The following MAP3K7 variants were observed in gnomAD, a reference collection of about 807,000 sequenced individuals.
MAP3K7 encodes the protein mitogen-activated protein kinase kinase kinase 7, also known as TGF-beta activated kinase 1.
A neutral mutation model predicts 84.8 loss-of-function variants in MAP3K7; 21 were observed. The ratio of observed to expected loss-of-function variants is 0.25; its 90% CI spans 0.18 to 0.36. MAP3K7 has a LOEUF of 0.36. Among genes scored for constraint, MAP3K7 ranks in the 10% least tolerant of loss-of-function variants. The pLI is 1.00. For synonymous variants in MAP3K7, 241 were observed against 247.7 expected (o/e 0.97, Z 0.25); for missense variants, 503 against 747.7 (o/e 0.67, Z 3.82).
At chr6:90,529,394 G>T (rs1237793227) in intron 13 of MAP3K7, among the ~76,000 whole-genome samples, 1 of 152,128 alleles carries the variant, frequency 6.6e-6, no homozygotes, top group Non-Finnish European at 1.5e-5. Context: ...GAGACCTGGG[G>T]TTATGTCTCC....
chr6:90,578,758 C>T (rs950172420), intron 1 of MAP3K7, among the ~76,000 whole-genome samples: 2 of 152,078 alleles, frequency 1.3e-5, no homozygotes, highest in African/African-American at 4.8e-5. Context: ...TTAGAGGTGG[C>T]AGAAGGTGCT....
chr6:90,585,599 A>T (rs181023821), intron 1 of MAP3K7, among the ~76,000 whole-genome samples: 2 of 148,894 alleles, frequency 1.3e-5, no homozygotes, highest in African/African-American at 5.2e-5. Context: ...GTCTTTAAAA[A>T]ATATATATGC....
chr6:90,561,736 T>C, intron 3 of MAP3K7, 69 bp from the exon 4 acceptor site: 1 of 1,024,982 alleles, frequency 9.8e-7, no homozygotes, highest in Non-Finnish European at 1.5e-6. Flanking sequence ...GAGAGAGAAT[T>C]TAATTCACTC....
intron 12 of MAP3K7, among the ~76,000 whole-genome samples, chr6:90,540,929 T>C (rs1282989550): frequency 6.6e-6 from 1 of 151,976 alleles, no homozygotes; most frequent in Non-Finnish European, 1.5e-5. Flanking sequence ...CATTAGAATG[T>C]CTTACATAGT....
chr6:90,562,352 GGA>G lies in MAP3K7; in HGVS notation c.298-687_298-686del, dbSNP rs370473380. Reference sequence around the variant, plus strand: ...AGGGAAGCTGTGACAGATGGTACCTGGAAAATTGGAACACTCCCACCCTAACA... The same window carrying G: ...AGGGAAGCTGTGACAGATGGTACCTGAAATTGGAACACTCCCACCCTAACA... On this transcript the variant is annotated intron_variant, in intron 3 of 16. Transcript: ENST00000369329. Among the ~76,000 whole-genome samples the G allele has an allele frequency of 4.7e-3, 714 of 152,244 alleles. 7 individuals are homozygous for G. Among genetic ancestry groups the G allele is most frequent in the African/African-American group, 0.016 (674 of 41,538 alleles).
At chr6:90,566,139 T>C (rs1343954910) in intron 3 of MAP3K7, among the ~76,000 whole-genome samples, 5 of 152,212 alleles carry the variant, frequency 3.3e-5, no homozygotes, top group Admixed American at 3.3e-4. Context: ...AAGCATTCTC[T>C]TTGAAAACTG....
At position 90,548,147 on chromosome 6, in the gene MAP3K7, G is replaced by T; in HGVS notation, c.980C>A (p.Thr327Lys). ...CATATTAGTGTCACTTTTGTTACTCGTATTTGTAGAAGCAATGTCCATGAA... is the reference window on the plus strand; with the variant it reads ...CATATTAGTGTCACTTTTGTTACTCTTATTTGTAGAAGCAATGTCCATGAA... The part of the protein sequence containing the change: ...GSFMDIASTN[T>K]SNKSDTNMEQ... The change falls in exon 10 of 17, where the codon ACG becomes AAG. Residue 327 changes from threonine (T) to lysine (K), a missense_variant. This residue lies in a region of MAP3K7 where 286 missense variants were observed against 313.6 expected (regional missense o/e 0.91). Coordinates refer to ENST00000369329, the MANE Select transcript of MAP3K7 (RefSeq NM_145331.3). 1 of 1,611,388 alleles carries T rather than the reference G, an allele frequency of 6.2e-7. No homozygotes were observed. The highest frequency in any genetic ancestry group is 8.5e-7 in the Non-Finnish European group (1 of 1,178,612).
At chr6:90,577,608 G>A (rs1777131040) in intron 1 of MAP3K7, among the ~76,000 whole-genome samples, 1 of 152,164 alleles carries the variant, frequency 6.6e-6, no homozygotes, top group Non-Finnish European at 1.5e-5. Context: ...ATGGTAGCAG[G>A]CAAACTAGGA....
Position 90,536,385 on chromosome 6 carries a change from T to A in MAP3K7, c.1308A>T (p.Arg436Ser), listed in dbSNP as rs1775679293. The A allele has an allele frequency of 6.2e-7, 1 of 1,612,002 alleles. No individual in the cohort carries two copies. Among genetic ancestry groups the A allele is most frequent in the Admixed American group, 1.7e-5 (1 of 59,902 alleles). ...CAGTCAAGTCTTGGATGGATCTACG[T>A]CTTGGCTGTCCGTTGCCTTTAAAAA... ...EIVISGNGQP[R>S]RRSIQDLTVT... The change falls in exon 13 of 17, where the codon AGA (arginine) becomes AGT (serine). Residue 436 changes from arginine to serine, a missense_variant. By Grantham distance (110) the Arg-to-Ser change is moderately radical. Around this residue, in one of 5 missense-constraint regions of MAP3K7, gnomAD observed 286 missense variants for 313.6 expected, o/e 0.91. Coordinates refer to ENST00000369329, the MANE Select transcript of MAP3K7 (RefSeq NM_145331.3).
chr6:90,555,545 G>A (rs758270089), intron 6 of MAP3K7, among the ~76,000 whole-genome samples: 6 of 152,102 alleles, frequency 3.9e-5, no homozygotes, highest in East Asian at 1.9e-4. Context: ...CTGAGCCACC[G>A]CGCCCAGCTA....
chr6:90,566,744 C>T (rs1235983706), intron 3 of MAP3K7, among the ~76,000 whole-genome samples: 5 of 152,014 alleles, frequency 3.3e-5, no homozygotes, highest in Non-Finnish European at 7.4e-5. Context: ...AAAAAGAGCC[C>T]ACATTGCCAA....
In MAP3K7 at chr6:90,518,380, C is replaced by T. The variant is rs368598954; in HGVS notation, c.1640+67G>A. 1.6e-4 allele frequency: 135 copies of T among 824,628 alleles called. 5 individuals are homozygous for T. The highest frequency in any genetic ancestry group is 1.3e-3 in the East Asian group (46 of 36,684). 51.1% of individuals were successfully genotyped at this position (824,628 alleles called of 1,614,324 possible). On this transcript the variant is annotated intron_variant, in intron 16 of 16. Coordinates refer to ENST00000369329, the MANE Select transcript of MAP3K7 (RefSeq NM_145331.3). ...AATTCTAAAAACTACGTTTTCATTG[C>T]ACCTTATCATATTTTAAACTCAAAA... is the stretch of plus-strand genomic sequence containing the variant.
intron 3 of MAP3K7, among the ~76,000 whole-genome samples, chr6:90,566,297 G>A (rs902188530): frequency 3.9e-5 from 6 of 152,192 alleles, no homozygotes; most frequent in Non-Finnish European, 5.9e-5. Flanking sequence ...TGACATCATT[G>A]TATATTTAGA....
chr6:90,582,067 C>G (rs1187013401), intron 1 of MAP3K7, among the ~76,000 whole-genome samples: 1 of 152,184 alleles, frequency 6.6e-6, no homozygotes, highest in African/African-American at 2.4e-5. Flanking sequence ...TATGGGTCTC[C>G]CTTTTCAAAA....
chr6:90,533,668 T>C (rs1277276508), intron 13 of MAP3K7, among the ~76,000 whole-genome samples: 1 of 152,162 alleles, frequency 6.6e-6, no homozygotes, highest in African/African-American at 2.4e-5. Context: ...TCCGAAGTAG[T>C]CTTGTTTTGT....
intron 1 of MAP3K7, among the ~76,000 whole-genome samples, chr6:90,582,709 A>G (rs912463437): frequency 6.6e-6 from 1 of 152,142 alleles, no homozygotes; most frequent in African/African-American, 2.4e-5. Flanking sequence ...TCCCTACTCA[A>G]TGGAACCTTC....
chr6:90,569,628 G>A (rs1776834726), intron 2 of MAP3K7, among the ~76,000 whole-genome samples: 1 of 152,052 alleles, frequency 6.6e-6, no homozygotes, highest in African/African-American at 2.4e-5. Flanking sequence ...CAGGTGCACA[G>A]CCACCATGCC....
chr6:90,524,445 T>C (rs1170815379), intron 13 of MAP3K7, among the ~76,000 whole-genome samples: 1 of 152,154 alleles, frequency 6.6e-6, no homozygotes, highest in Non-Finnish European at 1.5e-5. Context: ...ACATGGAACG[T>C]ATACATTCAA....
intron 1 of MAP3K7, among the ~76,000 whole-genome samples, chr6:90,581,302 G>C (rs1390484674): frequency 6.6e-6 from 1 of 152,104 alleles, no homozygotes; most frequent in East Asian, 1.9e-4. Flanking sequence ...GACTACAGCT[G>C]TCAGTTTCAT....
Sources: gnomAD v4.1 joint callset for allele counts (sites outside exome capture counted in the v4.1 genomes callset) on GRCh38, gnomAD v4.1.1 for gene constraint, gnomAD v4.1.1 regional missense constraint, MANE v1.5 for transcripts, NCBI Gene and HGNC (gene_info 2026-07-23, HGNC 2026-07-21) for gene names.